Variants in PALS2 observed in about 807,000 individuals in gnomAD.
PALS2 encodes the protein protein associated with LIN7 2, MAGUK p55 family member.
Under a neutral mutation model 61.6 loss-of-function variants are expected in PALS2, and 27 were observed. That is an observed-to-expected ratio of 0.44 (90% CI 0.32 to 0.60). The LOEUF (loss-of-function observed/expected upper bound fraction) is 0.60. Ranked by LOEUF, PALS2 falls within the 20% of genes least tolerant of loss-of-function variation. The probability of loss-of-function intolerance (pLI) is 0.05; values close to 1 mark genes in which losing one functional copy is unlikely to be tolerated. For missense variants in PALS2, 554 were observed against 639.4 expected, an observed-to-expected ratio of 0.87 and a Z score of 1.44; for synonymous variants, 236 against 218.6, an observed-to-expected ratio of 1.08 and a Z score of -0.70.
chr7:24,667,658 T>A lies in PALS2; in HGVS notation c.953-841T>A, dbSNP rs1029362408. Among the ~76,000 whole-genome samples, 16 of 37,080 alleles carry A rather than the reference T, an allele frequency of 4.3e-4. 1 individual carries two copies. The South Asian group carries it at 0.024, about 56-fold the overall frequency. 24.3% of individuals were successfully genotyped at this position (37,080 alleles called of 152,430 possible). ...AATTTTTCTAGCTTGATTAGATAAA[T>A]TTTTTTTTTTTTTTTTTTTTTTTTT... On this transcript the variant is annotated intron_variant, in intron 8 of 11. Transcript: ENST00000222644.
intron 11 of PALS2, among the ~76,000 whole-genome samples, chr7:24,682,821 A>G (rs1448106193): frequency 2.6e-5 from 4 of 152,062 alleles, no homozygotes; most frequent in Non-Finnish European, 4.4e-5. Flanking sequence ...CACTTATCCT[A>G]CAGCATGTTC....
At chr7:24,626,432 T>G (rs541917302) in intron 2 of PALS2, among the ~76,000 whole-genome samples, 2 of 152,300 alleles carry the variant, frequency 1.3e-5, no homozygotes, top group South Asian at 4.1e-4. Context: ...CTTTTGCATT[T>G]CACTTTATTC....
intron 7 of PALS2, 152 bp from the exon 8 acceptor site, chr7:24,665,869 A>T: frequency 1.1e-6 from 1 of 937,966 alleles, no homozygotes; most frequent in Non-Finnish European, 1.6e-6. Context: ...GTAGAGTATC[A>T]AAATTCAGTG....
chr7:24,640,238 G>A (rs979742823), intron 2 of PALS2, among the ~76,000 whole-genome samples: 1 of 150,880 alleles, frequency 6.6e-6, no homozygotes, highest in Non-Finnish European at 1.5e-5. Flanking sequence ...ATGACTTTTA[G>A]AATTTCTTCT....
chr7:24,619,717 CAAAA>C (rs11366774), intron 1 of PALS2, among the ~76,000 whole-genome samples: 2 of 101,956 alleles, frequency 2.0e-5, no homozygotes, highest in Non-Finnish European at 1.9e-5. Context: ...GACTCTGTCT[CAAAA>C]AAAAAAAAAA....
intron 1 of PALS2, among the ~76,000 whole-genome samples, chr7:24,599,234 T>C (rs1224776013): frequency 6.6e-6 from 1 of 152,170 alleles, no homozygotes; most frequent in African/African-American, 2.4e-5. Flanking sequence ...TTTACACTTG[T>C]GGCTTACCAT....
At chr7:24,662,331 G>A (rs1179572710) in intron 5 of PALS2, among the ~76,000 whole-genome samples, 1 of 152,148 alleles carries the variant, frequency 6.6e-6, no homozygotes, top group Non-Finnish European at 1.5e-5. Context: ...ACAGAAGTAT[G>A]ATAAACAAAT....
chr7:24,589,886 A>C (rs1320971898), intron 1 of PALS2, among the ~76,000 whole-genome samples: 1 of 152,056 alleles, frequency 6.6e-6, no homozygotes. Flanking sequence ...CATGACTGGC[A>C]TTTTTGGCAG....
intron 4 of PALS2, 114 bp downstream of exon 4, chr7:24,649,878 C>T: frequency 9.9e-7 from 1 of 1,013,130 alleles, no homozygotes. Flanking sequence ...AAACTGTATT[C>T]TTGTTTGGCC....
intron 11 of PALS2, 131 bp downstream of exon 11, chr7:24,680,651 A>C: frequency 8.4e-7 from 1 of 1,195,122 alleles, no homozygotes; most frequent in Non-Finnish European, 1.1e-6. Flanking sequence ...GCTGGAGTGC[A>C]TTGATGCGAT....
intron 1 of PALS2, among the ~76,000 whole-genome samples, chr7:24,575,164 C>T (rs1285476078): frequency 6.6e-6 from 1 of 152,122 alleles, no homozygotes; most frequent in Non-Finnish European, 1.5e-5. Flanking sequence ...TTTAATTGCT[C>T]AATTTTGTCC....
chr7:24,580,778 T>C (rs1310577986), intron 1 of PALS2, among the ~76,000 whole-genome samples: 1 of 152,260 alleles, frequency 6.6e-6, no homozygotes, highest in East Asian at 1.9e-4. Context: ...CCTTGTTTTT[T>C]CTTCTTGCTA....
At chr7:24,591,836 A>G (rs185567592) in intron 1 of PALS2, among the ~76,000 whole-genome samples, 27 of 152,088 alleles carry the variant, frequency 1.8e-4, no homozygotes, top group Non-Finnish European at 2.8e-4. Context: ...CAAGCTTACC[A>G]TATCTTATGC....
chr7:24,629,594 G>A (rs1784905044), intron 2 of PALS2, among the ~76,000 whole-genome samples: 1 of 151,984 alleles, frequency 6.6e-6, no homozygotes, highest in Non-Finnish European at 1.5e-5. Context: ...TCTGACAAAG[G>A]GCTAATATCC....
At chr7:24,650,091 AG>A (rs1786062493) in intron 4 of PALS2, among the ~76,000 whole-genome samples, 1 of 152,112 alleles carries the variant, frequency 6.6e-6, no homozygotes, top group Non-Finnish European at 1.5e-5. Context: ...AAATATAAAA[AG>A]AAGTTGTTAT....
At chr7:24,591,706 C>T (rs1783294352) in intron 1 of PALS2, among the ~76,000 whole-genome samples, 1 of 152,054 alleles carries the variant, frequency 6.6e-6, no homozygotes, top group African/African-American at 2.4e-5. Flanking sequence ...GGTTAGGTTC[C>T]TGCAAGCCTT....
chr7:24,615,714 G>A (rs1784271878), intron 1 of PALS2, among the ~76,000 whole-genome samples: 1 of 151,948 alleles, frequency 6.6e-6, no homozygotes, highest in Non-Finnish European at 1.5e-5. Flanking sequence ...ATTCTACAAG[G>A]CCAAAATAAC....
chr7:24,623,316 T>C (rs955496234), intron 1 of PALS2, among the ~76,000 whole-genome samples: 7 of 151,790 alleles, frequency 4.6e-5, no homozygotes, highest in Non-Finnish European at 8.8e-5. Flanking sequence ...TTCTGATTCC[T>C]AAATTAGACT....
chr7:24,604,546 A>G (rs1583861350), intron 1 of PALS2, among the ~76,000 whole-genome samples: 1 of 152,320 alleles, frequency 6.6e-6, no homozygotes, highest in East Asian at 1.9e-4. Context: ...ACAGAAAGGA[A>G]AGAGAGAGAC....
Sources: allele counts gnomAD v4.1 joint callset (sites outside exome capture counted in the v4.1 genomes callset), GRCh38; gene constraint gnomAD v4.1.1; transcripts MANE v1.5; gene names NCBI Gene and HGNC (gene_info 2026-07-23, HGNC 2026-07-21).